Variants in EVI5 observed in about 807,000 individuals in gnomAD.
EVI5 encodes the protein ecotropic viral integration site 5.
In EVI5, 73 loss-of-function variants were observed where a neutral mutation model predicts 112.0. The ratio of observed to expected loss-of-function variants is 0.65; its 90% CI spans 0.54 to 0.79. EVI5 has a LOEUF of 0.79. EVI5 is among the 30% of genes least tolerant of loss of function. EVI5 has a pLI of 0.00. For missense variants in EVI5, 900 were observed against 968.8 expected, an observed-to-expected ratio of 0.93 and a Z score of 0.94; for synonymous variants, 305 against 319.9, an observed-to-expected ratio of 0.95 and a Z score of 0.50.
At chr1:92,630,215 T>G (rs1656690198) in intron 14 of EVI5, among the ~76,000 whole-genome samples, 2 of 152,230 alleles carry the variant, frequency 1.3e-5, no homozygotes, top group Admixed American at 1.3e-4. Context: ...ATGGTATTTC[T>G]AGTTCTAGAT....
intron 13 of EVI5, among the ~76,000 whole-genome samples, chr1:92,652,197 A>C (rs1662254975): frequency 6.6e-6 from 1 of 152,260 alleles, no homozygotes; most frequent in African/African-American, 2.4e-5. Context: ...ACCTGTTATA[A>C]CAATGATGGA....
intron 2 of EVI5, among the ~76,000 whole-genome samples, chr1:92,707,508 T>C (rs1672207825): frequency 6.6e-6 from 1 of 152,172 alleles, no homozygotes; most frequent in African/African-American, 2.4e-5. Context: ...AGACGTAAAC[T>C]GATACTTTCT....
chr1:92,693,694 A>G, intron 9 of EVI5, 108 bp downstream of exon 9: 1 of 656,350 alleles, frequency 1.5e-6, no homozygotes, highest in Non-Finnish European at 2.7e-6. Flanking sequence ...ATTGAAACCA[A>G]TACCACCGAA....
intron 1 of EVI5, among the ~76,000 whole-genome samples, chr1:92,748,398 ACT>A (rs1417308216): frequency 3.3e-5 from 5 of 152,060 alleles, no homozygotes; most frequent in African/African-American, 1.2e-4. Context: ...TCAGCCCCAG[ACT>A]CTAAGTCTTC....
rs140838803 is a variant in EVI5, at chr1:92,626,880, T to C, written c.1528-946A>G. Among the ~76,000 whole-genome samples the C allele has an allele frequency of 2.0e-3, 307 of 152,338 alleles. 4 individuals are homozygous for C. Among genetic ancestry groups the C allele is most frequent in the African/African-American group, 6.8e-3 (284 of 41,586 alleles). On this transcript the variant is annotated intron_variant, in intron 14 of 19. Coordinates refer to ENST00000684568, the MANE Select transcript of EVI5 (RefSeq NM_001350197.2). ...TTGTTGTATTTCCTCAGCATGTTAT[T>C]TTTGAGAGGCATCAAATCTCTGTGT...
chr1:92,584,196 T>C (rs2101123940), intron 18 of EVI5, among the ~76,000 whole-genome samples: 1 of 152,206 alleles, frequency 6.6e-6, no homozygotes. Context: ...CTCTCTTTCG[T>C]AAAAAATCAA....
At chr1:92,578,203 A>G (rs1671373798) in intron 18 of EVI5, among the ~76,000 whole-genome samples, 1 of 152,198 alleles carries the variant, frequency 6.6e-6, no homozygotes, top group Non-Finnish European at 1.5e-5. Context: ...TTATTTCTCT[A>G]GATGCTCTTC....
intron 18 of EVI5, among the ~76,000 whole-genome samples, chr1:92,598,804 GA>G (rs879735984): frequency 2.6e-5 from 4 of 152,066 alleles, no homozygotes; most frequent in Non-Finnish European, 5.9e-5. Context: ...ACAGTTCTAG[GA>G]AAATGTCTAA....
intron 1 of EVI5, among the ~76,000 whole-genome samples, chr1:92,772,620 C>A (rs754779542): frequency 1.3e-5 from 2 of 150,444 alleles, no homozygotes; most frequent in Non-Finnish European, 3.0e-5. Context: ...AACTTCATAG[C>A]GGCTGGGTGC....
At chr1:92,525,254 C>T (rs577153416) in intron 19 of EVI5, among the ~76,000 whole-genome samples, 46 of 145,518 alleles carry the variant, frequency 3.2e-4, no homozygotes, top group Non-Finnish European at 5.8e-4. Context: ...AGAATCAGTG[C>T]CAATGACAAT....
At chr1:92,716,815 C>T (rs2102657948) in intron 2 of EVI5, among the ~76,000 whole-genome samples, 1 of 146,202 alleles carries the variant, frequency 6.8e-6, no homozygotes, top group Admixed American at 7.0e-5. Context: ...ATGAGAACTA[C>T]ATGACGCATG....
intron 1 of EVI5, among the ~76,000 whole-genome samples, chr1:92,752,233 G>GA (rs1317793248): frequency 6.6e-6 from 1 of 151,962 alleles, no homozygotes; most frequent in Non-Finnish European, 1.5e-5. Flanking sequence ...AGAGTACAGT[G>GA]GCACAATCTC....
intron 1 of EVI5, among the ~76,000 whole-genome samples, chr1:92,741,754 A>G (rs1456611182): frequency 2.0e-5 from 3 of 152,176 alleles, no homozygotes; most frequent in Non-Finnish European, 4.4e-5. Flanking sequence ...ATAATTCTAT[A>G]AAGTAGGTAA....
chr1:92,532,371 A>G (rs1663018065), intron 19 of EVI5, among the ~76,000 whole-genome samples: 1 of 152,184 alleles, frequency 6.6e-6, no homozygotes, highest in Admixed American at 6.5e-5. Flanking sequence ...TATTAGACAG[A>G]TCAATAAGAC....
rs1685455601 is a variant in EVI5, at chr1:92,785,068, T to C, written c.-314A>G. On this transcript the variant is annotated 5_prime_UTR_variant, in exon 1 of 20. Transcript: ENST00000684568. Reference sequence around the variant, plus strand: ...GCCAGCCCCTTGCCAGCTGGCCAGCTGGTTCCTCCGGGGTCCGGCCCGGCC... The same window carrying C: ...GCCAGCCCCTTGCCAGCTGGCCAGCCGGTTCCTCCGGGGTCCGGCCCGGCC... The C allele has an allele frequency of 8.1e-6, 8 of 985,184 alleles. No homozygotes were observed. The South Asian group carries it at 3.8e-4, about 46-fold the overall frequency. The allele number at this position is 985,184 out of a possible 1,614,324, so 61.0% of individuals were successfully genotyped here.
At chr1:92,759,722 G>A (rs1442483685) in intron 1 of EVI5, among the ~76,000 whole-genome samples, 3 of 152,038 alleles carry the variant, frequency 2.0e-5, no homozygotes, top group African/African-American at 7.2e-5. Context: ...ATCATTATAT[G>A]TAAAACTAGC....
chr1:92,748,771 T>C (rs974211515), intron 1 of EVI5, among the ~76,000 whole-genome samples: 4 of 151,930 alleles, frequency 2.6e-5, no homozygotes, highest in African/African-American at 9.7e-5. Flanking sequence ...ACTAAGAAAA[T>C]ATAAATACAT....
intron 19 of EVI5, among the ~76,000 whole-genome samples, chr1:92,519,617 G>A (rs1389387111): frequency 6.6e-6 from 1 of 152,144 alleles, no homozygotes; most frequent in Non-Finnish European, 1.5e-5. Flanking sequence ...AGTTGGCCGG[G>A]TGCAGTGGCT....
intron 17 of EVI5, 117 bp from the exon 18 acceptor site, chr1:92,605,519 C>G (rs1039564930): frequency 1.1e-5 from 7 of 665,746 alleles, no homozygotes; most frequent in Non-Finnish European, 1.8e-5. Flanking sequence ...GGGTCTAAGG[C>G]AGCATCCATA....
Sources: allele counts gnomAD v4.1 joint callset (sites outside exome capture counted in the v4.1 genomes callset), GRCh38; gene constraint gnomAD v4.1.1; transcripts MANE v1.5; gene names NCBI Gene and HGNC (gene_info 2026-07-23, HGNC 2026-07-21).